Variants in LIME1 observed in about 807,000 individuals in gnomAD.
The protein encoded by LIME1 is lck-interacting transmembrane adapter 1.
Under a neutral mutation model 18.8 loss-of-function variants are expected in LIME1, and 23 were observed. The observed-to-expected ratio is 1.22, with a 90% confidence interval of 0.88 to 1.73. The LOEUF is 1.73. Among genes scored for constraint, LIME1 ranks in the 40% most tolerant of loss-of-function variants. The probability of loss-of-function intolerance (pLI) is 0.00; values close to 1 mark genes in which losing one functional copy is unlikely to be tolerated. For synonymous variants in LIME1, 177 were observed against 182.3 expected (o/e 0.97, Z 0.23); for missense variants, 423 against 396.8 (o/e 1.07, Z -0.56).
chr20:63,738,078 C>CGGGGGCGGGGGGGGGGG lies in LIME1; in HGVS notation c.268+26_268+27insGGGGGGGGGGGGGGCGG. ...CAGCAGGGGTGAGCAGAGGGCGGGG[C>CGGGGGCGGGGGGGGGGG]GGGGGCGGCCGGGCGGGGCTTACTG... On this transcript the variant is annotated intron_variant, in intron 4 of 5. Coordinates refer to ENST00000309546, the MANE Select transcript of LIME1 (RefSeq NM_017806.4). 8.5e-7 allele frequency: 1 copy of CGGGGGCGGGGGGGGGGG among 1,171,664 alleles called. No homozygotes were observed. The highest frequency in any genetic ancestry group is 2.3e-5 in the Admixed American group (1 of 43,852). The allele number at this position is 1,171,664 out of a possible 1,614,324, so 72.6% of individuals were successfully genotyped here.
chr20:63,739,051 G>A lies in LIME1; in HGVS notation c.*151G>A. On this transcript the variant is annotated 3_prime_UTR_variant, in exon 6 of 6. Coordinates refer to ENST00000309546, the MANE Select transcript of LIME1 (RefSeq NM_017806.4). ...CCGCTCTGACAGCCGCGGCCTCCCC[G>A]GGCTCCAGAGAAGGCCCGCGTCTAA... The A allele has an allele frequency of 3.0e-6, 2 of 669,306 alleles. No homozygotes were observed. Among genetic ancestry groups the A allele is most frequent in the Non-Finnish European group, 2.4e-6 (1 of 412,738 alleles). The allele number at this position is 669,306 out of a possible 1,614,324, so 41.5% of individuals were successfully genotyped here.
chr20:63,738,196 CA>C lies in LIME1; in HGVS notation c.283del (p.Ser95AlafsTer96). 1 of 1,580,942 alleles carries C rather than the reference CA, an allele frequency of 6.3e-7. No homozygotes were observed. The highest frequency in any genetic ancestry group is 8.6e-7 in the Non-Finnish European group (1 of 1,168,868). On this transcript the variant is annotated frameshift_variant, in exon 5 of 6. Transcript: ENST00000309546. LOFTEE classifies it high-confidence loss of function. The part of the protein sequence containing the change: ...PRSSRALRPA[S>X]MDLLRPHWLE... ...CCCCACCCCCAGCCCTGCGGCCTGCCAGCATGGATCTCCTGCGCCCACACTG... is the reference window on the plus strand; with the variant it reads ...CCCCACCCCCAGCCCTGCGGCCTGCCGCATGGATCTCCTGCGCCCACACTG...
Position 63,737,543 on chromosome 20 carries a change from T to C in LIME1, c.-7T>C. On this transcript the variant is annotated 5_prime_UTR_variant, in exon 2 of 6. Transcript: ENST00000309546. ...TTCTTCTGTCCCCAGGGCCTCGGCT[T>C]CACAGGATGGGGCTGCCAGTGTCCT... 6.4e-7 allele frequency: 1 copy of C among 1,551,762 alleles called. No homozygotes were observed. Among genetic ancestry groups the C allele is most frequent in the Non-Finnish European group, 8.7e-7 (1 of 1,153,460 alleles).
chr20:63,736,187 G>A, upstream of LIME1: 1 of 487,450 alleles, frequency 2.1e-6, no homozygotes, highest in East Asian at 4.4e-5. Context: ...GGAGAGAAGG[G>A]TCTGTGCAGG....
rs1601361266 is a variant in LIME1, at chr20:63,738,073, C to G, written c.268+13C>G. The G allele has an allele frequency of 2.9e-3, 4,151 of 1,418,892 alleles. No individual in the cohort carries two copies. The highest frequency in any genetic ancestry group is 3.5e-3 in the Non-Finnish European group (3,659 of 1,048,238). The allele number at this position is 1,418,892 out of a possible 1,614,324, so 87.9% of individuals were successfully genotyped here. ...CGCAGCAGCAGGGGTGAGCAGAGGGCGGGGCGGGGGCGGCCGGGCGGGGCT... is the reference window on the plus strand; with the variant it reads ...CGCAGCAGCAGGGGTGAGCAGAGGGGGGGGCGGGGGCGGCCGGGCGGGGCT... On this transcript the variant is annotated intron_variant, in intron 4 of 5. Coordinates refer to ENST00000309546, the MANE Select transcript of LIME1 (RefSeq NM_017806.4).
Position 63,738,934 on chromosome 20 carries a change from G to A in LIME1, c.*34G>A, listed in dbSNP as rs758990526. On this transcript the variant is annotated 3_prime_UTR_variant, in exon 6 of 6. Transcript: ENST00000309546. Reference sequence around the variant, plus strand: ...GGACCTGTGCTCCTTCCTCCAGAGTGAGGCCCGTCCCCCGCCCCGCCCCGC... The same window carrying A: ...GGACCTGTGCTCCTTCCTCCAGAGTAAGGCCCGTCCCCCGCCCCGCCCCGC... 1.4e-5 allele frequency: 21 copies of A among 1,475,340 alleles called. No homozygotes were observed. Among genetic ancestry groups the A allele is most frequent in the Non-Finnish European group, 1.8e-5 (20 of 1,108,390 alleles). The allele number at this position is 1,475,340 out of a possible 1,614,324, so 91.4% of individuals were successfully genotyped here.
chr20:63,738,033 C>G lies in LIME1; in HGVS notation c.241C>G (p.Leu81Val). The part of the protein sequence containing the change: ...LSKSDTRLHE[L>V]HRGPRSSRAL... ...CAAGTCGGACACCAGACTGCACGAG[C>G]TGCACCGGGGCCCGCGCAGCAGCAG... Residue 81 changes from leucine to valine, a missense_variant, in exon 4 of 6, where the codon CTG becomes GTG. Leu to Val is a conservative substitution (Grantham distance 32, BLOSUM62 1). Coordinates refer to ENST00000309546, the MANE Select transcript of LIME1 (RefSeq NM_017806.4). 1 of 1,554,306 alleles carries G rather than the reference C, an allele frequency of 6.4e-7. No individual in the cohort carries two copies.
At chr20:63,736,793 GC>G (rs569204209) in intron 1 of LIME1, 81 bp downstream of exon 1, 700 of 985,694 alleles carry the variant, frequency 7.1e-4, no homozygotes, top group African/African-American at 4.9e-3. Context: ...CCAGGCTGAA[GC>G]CCACTCCCTG....
chr20:63,737,797 C>T, intron 2 of LIME1, 24 bp from the exon 3 acceptor site: 1 of 1,327,696 alleles, frequency 7.5e-7, no homozygotes, highest in Non-Finnish European at 1.0e-6. Flanking sequence ...ACCCCGCCCC[C>T]CGCCCCCCAC....
Position 63,738,513 on chromosome 20 carries a change from G to A in LIME1, c.585+14G>A, listed in dbSNP as rs2092021422. On this transcript the variant is annotated intron_variant, in intron 5 of 5. Transcript: ENST00000309546. ...CCGGCCGCTCAGGTAACGTGGGCCA[G>A]GGTAGGGCGCTGTGGGTGGGGCCGG... 1.3e-6 allele frequency: 2 copies of A among 1,512,288 alleles called. No individual in the cohort carries two copies. Among genetic ancestry groups the A allele is most frequent in the African/African-American group, 1.4e-5 (1 of 71,978 alleles). The allele number at this position is 1,512,288 out of a possible 1,614,324, so 93.7% of individuals were successfully genotyped here. A position where few individuals can be genotyped will look rare whatever the true frequency, so the allele number is the denominator to read the frequency against.
chr20:63,737,996 C>G lies in LIME1; in HGVS notation c.204C>G (p.Leu68=). ...AGTCCCTACTGAGGCGGACCCACCT[C>G]TGCTCCCTCAGCAAGTCGGACACCA... The part of the protein sequence containing the change: ...AEASLLRRTH[L]CSLSKSDTRL... The change falls in exon 4 of 6, where the codon CTC becomes CTG. Residue 68 remains leucine (L), a synonymous_variant. Transcript: ENST00000309546. 6.4e-7 allele frequency: 1 copy of G among 1,571,392 alleles called. No homozygotes were observed. Among genetic ancestry groups the G allele is most frequent in the Non-Finnish European group, 8.6e-7 (1 of 1,161,834 alleles).
In LIME1 at chr20:63,738,641, A is replaced by T; in HGVS notation, c.629A>T (p.Asp210Val). The T allele has an allele frequency of 1.2e-6, 2 of 1,607,582 alleles. No homozygotes were observed. The highest frequency in any genetic ancestry group is 1.7e-6 in the Non-Finnish European group (2 of 1,177,474). ...AGGGTCTGCAAGCCTAAAAGGAGGG[A>T]CCCAGGACCCACCACAGACCCGCTG... The part of the protein sequence containing the change: ...YSRVCKPKRR[D>V]PGPTTDPLDP... The change falls in exon 6 of 6, where the codon GAC becomes GTC. Residue 210 changes from aspartate to valine, a missense_variant. Coordinates refer to ENST00000309546, the MANE Select transcript of LIME1 (RefSeq NM_017806.4).
chr20:63,735,731 G>T (rs1485578270), upstream of LIME1: 17 of 1,557,896 alleles, frequency 1.1e-5, no homozygotes, highest in Non-Finnish European at 1.4e-5. Flanking sequence ...GCAGACTGGG[G>T]TTGGTGGCAT....
Position 63,738,397 on chromosome 20 carries a change from C to G in LIME1, c.483C>G (p.Ser161Arg). ...TTCCCGGGGTCAGCCTGGCGGCCAGCCCTGTGGTGGCCGAGTATGCCCGCG... is the reference window on the plus strand; with the variant it reads ...TTCCCGGGGTCAGCCTGGCGGCCAGGCCTGTGGTGGCCGAGTATGCCCGCG... Reference protein sequence around the residue: ...AALPGVSLAASPVVAEYARVQ... With the variant: ...AALPGVSLAARPVVAEYARVQ... The change falls in exon 5 of 6, where the codon AGC becomes AGG. Residue 161 changes from serine to arginine, a missense_variant. Coordinates refer to ENST00000309546, the MANE Select transcript of LIME1 (RefSeq NM_017806.4). 1 of 1,551,272 alleles carries G rather than the reference C, an allele frequency of 6.4e-7. No individual in the cohort carries two copies. Among genetic ancestry groups the G allele is most frequent in the Non-Finnish European group, 8.7e-7 (1 of 1,148,742 alleles).
upstream of LIME1, chr20:63,736,380 C>G (rs573373539): frequency 3.3e-4 from 59 of 179,790 alleles, no homozygotes; most frequent in African/African-American, 1.2e-3. Context: ...TGTGGCCCAC[C>G]ACGTGGGGCA....
In LIME1 at chr20:63,737,989, C is replaced by A. The variant is rs1295613731; in HGVS notation, c.197C>A (p.Thr66Asn). 1.9e-6 allele frequency: 3 copies of A among 1,570,604 alleles called. No individual in the cohort carries two copies. In the East Asian group the frequency reaches 7.0e-5, roughly 37 times the overall value. The change falls in exon 4 of 6, where the codon ACC (threonine) becomes AAC (asparagine). Residue 66 changes from threonine to asparagine, a missense_variant. Thr to Asn is a moderately conservative substitution (Grantham distance 65, BLOSUM62 0). Coordinates refer to ENST00000309546, the MANE Select transcript of LIME1 (RefSeq NM_017806.4). ...CGCCCCCAGTCCCTACTGAGGCGGA[C>A]CCACCTCTGCTCCCTCAGCAAGTCG... is the stretch of plus-strand genomic sequence containing the variant. ...TAAEASLLRR[T>N]HLCSLSKSDT... is the part of the protein sequence containing the mutation.
chr20:63,737,304 A>G, intron 1 of LIME1: 1 of 1,261,392 alleles, frequency 7.9e-7, no homozygotes, highest in Non-Finnish European at 1.0e-6. Context: ...CCGCAGGGAC[A>G]CGGAGGGGCC....
At position 63,738,049 on chromosome 20, in the gene LIME1, G is replaced by T. The variant is rs1244125080; in HGVS notation, c.257G>T (p.Arg86Leu). 3 of 1,542,664 alleles carry T rather than the reference G, an allele frequency of 1.9e-6. No homozygotes were observed. Residue 86 changes from arginine (R) to leucine (L), a missense_variant, in exon 4 of 6, where the codon CGC (arginine) becomes CTC (leucine). By Grantham distance (102) the Arg-to-Leu change is moderately radical. Transcript: ENST00000309546. ...TRLHELHRGPRSSRALRPASM... is the reference protein window; with the variant it reads ...TRLHELHRGPLSSRALRPASM... The stretch of plus-strand genomic sequence containing the variant: ...CTGCACGAGCTGCACCGGGGCCCGC[G>T]CAGCAGCAGGGGTGAGCAGAGGGCG...
intron 1 of LIME1, chr20:63,737,326 C>A: frequency 7.6e-7 from 1 of 1,321,464 alleles, no homozygotes; most frequent in East Asian, 3.1e-5. Flanking sequence ...GGCAGAGCAG[C>A]CCTAGTTCAC....
Sources: allele counts gnomAD v4.1 joint callset, GRCh38; gene constraint gnomAD v4.1.1; transcripts MANE v1.5; gene names NCBI Gene and HGNC (gene_info 2026-07-23, HGNC 2026-07-21).